The following DBNL variants were observed in gnomAD, a reference collection of about 807,000 sequenced individuals.
DBNL encodes drebrin like, also known as drebrin-like protein.
DBNL carries 35 observed loss-of-function variants against 62.2 expected under a neutral mutation model. That is an observed-to-expected ratio of 0.56 (90% CI 0.43 to 0.75). DBNL has a LOEUF of 0.75. Ranked by LOEUF, DBNL falls within the 30% of genes least tolerant of loss-of-function variation. DBNL has a pLI of 0.00. For synonymous variants in DBNL, 197 were observed against 218.0 expected, an observed-to-expected ratio of 0.90 and a Z score of 0.85; for missense variants, 495 against 578.4, an observed-to-expected ratio of 0.86 and a Z score of 1.48.
rs1418088472 is a variant in DBNL at position 44,068,621 on chromosome 7, C to T, written c.*7705C>T. On this transcript the variant is annotated 3_prime_UTR_variant, in exon 13 of 13. Coordinates refer to ENST00000448521, the MANE Select transcript of DBNL (RefSeq NM_001014436.3). ...GAGAAAAGAAGATGATCAATACATG[C>T]CCATCCTGAGATGATTCAACTATTG... 3 of 152,184 alleles carry T rather than the reference C, an allele frequency of 2.0e-5. No homozygotes were observed. The highest frequency in any genetic ancestry group is 7.2e-5 in the African/African-American group (3 of 41,434). The allele number at this position is 152,184 out of a possible 1,614,324, so 9.4% of individuals were successfully genotyped here.
At chr7:44,053,965 C>CGT (rs1229495087) in intron 4 of DBNL, among the ~76,000 whole-genome samples, 1 of 152,146 alleles carries the variant, frequency 6.6e-6, no homozygotes. Flanking sequence ...CGTGAACCAC[C>CGT]ACGCCCAGCC....
At chr7:44,048,986 T>C (rs2096121859) in intron 1 of DBNL, among the ~76,000 whole-genome samples, 2 of 151,974 alleles carry the variant, frequency 1.3e-5, no homozygotes, top group South Asian at 4.1e-4. Flanking sequence ...TCCCGAGTAG[T>C]TGGGACTACG....
Position 44,044,835 on chromosome 7 carries a change from G to A in DBNL, c.83+15G>A, listed in dbSNP as rs934163231. The A allele has an allele frequency of 2.1e-6, 3 of 1,457,744 alleles. No individual in the cohort carries two copies. The highest frequency in any genetic ancestry group is 3.0e-5 in the African/African-American group (2 of 67,040). The allele number at this position is 1,457,744 out of a possible 1,614,324, so 90.3% of individuals were successfully genotyped here. ...CCGACCGACTGGTGGGCGGCGAGACGGGCCAGGGTCGGGCCAGGGGCTGCC... is the reference window on the plus strand; with the variant it reads ...CCGACCGACTGGTGGGCGGCGAGACAGGCCAGGGTCGGGCCAGGGGCTGCC... On this transcript the variant is annotated intron_variant, in intron 1 of 12. Coordinates refer to ENST00000448521, the MANE Select transcript of DBNL (RefSeq NM_001014436.3).
At chr7:44,047,328 G>A (rs1173794829) in intron 1 of DBNL, among the ~76,000 whole-genome samples, 1 of 152,210 alleles carries the variant, frequency 6.6e-6, no homozygotes, top group African/African-American at 2.4e-5. Context: ...GATATCAGAG[G>A]AAGAAGAGGT....
chr7:44,063,272 TTTTC>T lies in DBNL; in HGVS notation c.*2360_*2363del. On this transcript the variant is annotated 3_prime_UTR_variant, in exon 13 of 13. Coordinates refer to ENST00000448521, the MANE Select transcript of DBNL (RefSeq NM_001014436.3). ...GGGACACTCACCCTTTGTTTTTTTT[TTTTC>T]TTTTCTTTTTCTTTTTCTTTTTTTT... 2.7e-5 allele frequency: 9 copies of T among 333,414 alleles called. No homozygotes were observed. Among genetic ancestry groups the T allele is most frequent in the Non-Finnish European group, 5.1e-5 (9 of 176,114 alleles). 20.7% of individuals were successfully genotyped at this position (333,414 alleles called of 1,614,324 possible). A position where few individuals can be genotyped will look rare whatever the true frequency, so the allele number is the denominator to read the frequency against.
In DBNL at chr7:44,060,780, A is replaced by G; in HGVS notation, c.1157A>G (p.Asp386Gly). ...ARALYDYQAA[D>G]DTEISFDPEN... ...TCTGGGCTCATCCTCTTTGCAGCCGACGACACAGAGATCTCCTTTGACCCC... is the reference window on the plus strand; with the variant it reads ...TCTGGGCTCATCCTCTTTGCAGCCGGCGACACAGAGATCTCCTTTGACCCC... The change falls in exon 13 of 13, where the codon GAC becomes GGC. Residue 386 changes from aspartate to glycine, a missense_variant. Asp to Gly is a moderately conservative substitution (Grantham distance 94, BLOSUM62 -1). Transcript: ENST00000448521. This position sits in a 1 kb window ranked among gnomAD's most constrained non-coding sequence, Gnocchi z 6.3. 1 of 1,613,606 alleles carries G rather than the reference A, an allele frequency of 6.2e-7. No individual in the cohort carries two copies. Among genetic ancestry groups the G allele is most frequent in the South Asian group, 1.1e-5 (1 of 91,064 alleles).
Position 44,060,990 on chromosome 7 carries a change from G to T in DBNL, c.*74G>T. 1 of 1,552,072 alleles carries T rather than the reference G, an allele frequency of 6.4e-7. No homozygotes were observed. Among genetic ancestry groups the T allele is most frequent in the South Asian group, 1.2e-5 (1 of 83,032 alleles). Reference sequence around the variant, plus strand: ...TGCTGGAAGAGGAGGCCTGGGAGTTGACATTCAGCACTCTTCCAGGAATAG... The same window carrying T: ...TGCTGGAAGAGGAGGCCTGGGAGTTTACATTCAGCACTCTTCCAGGAATAG... On this transcript the variant is annotated 3_prime_UTR_variant, in exon 13 of 13. Transcript: ENST00000448521. The surrounding 1 kb of genome is among the most constrained non-coding windows in gnomAD (Gnocchi z 6.3).
At position 44,065,130 on chromosome 7, in the gene DBNL, T is replaced by C. The variant is rs1430355287; in HGVS notation, c.*4214T>C. 1.9e-5 allele frequency: 31 copies of C among 1,613,814 alleles called. No individual in the cohort carries two copies. The highest frequency in any genetic ancestry group is 2.6e-5 in the Non-Finnish European group (31 of 1,180,010). ...AGGCAGCCCACCTTGCTAATGGAGT[T>C]GTAGTAGGGGTGCTTCTCGTCCATC... On this transcript the variant is annotated 3_prime_UTR_variant, in exon 13 of 13. Coordinates refer to ENST00000448521, the MANE Select transcript of DBNL (RefSeq NM_001014436.3).
rs368738529 is a variant in DBNL, at chr7:44,058,416, C to T, written c.705-16C>T. On this transcript the variant is annotated splice_polypyrimidine_tract_variant and intron_variant, in intron 7 of 12. Coordinates refer to ENST00000448521, the MANE Select transcript of DBNL (RefSeq NM_001014436.3). Reference sequence around the variant, plus strand: ...GACTGTGCCTCAGCTGTGCCCCACCCGGCCCTTCCCAGCAGGACGTGGGAG... The same window carrying T: ...GACTGTGCCTCAGCTGTGCCCCACCTGGCCCTTCCCAGCAGGACGTGGGAG... 1.1e-5 allele frequency: 17 copies of T among 1,614,034 alleles called. No individual in the cohort carries two copies. Among genetic ancestry groups the T allele is most frequent in the Middle Eastern group, 1.6e-4 (1 of 6,084 alleles).
intron 4 of DBNL, among the ~76,000 whole-genome samples, 192 bp from the exon 5 acceptor site, chr7:44,056,565 C>G (rs1481133919): frequency 6.6e-6 from 1 of 152,166 alleles, no homozygotes; most frequent in East Asian, 1.9e-4. Flanking sequence ...GAGGGGTTTG[C>G]TCCAAGTTGG....
In DBNL at chr7:44,062,941, A is replaced by T. The variant is rs1259708948; in HGVS notation, c.*2025A>T. 1.2e-6 allele frequency: 2 copies of T among 1,613,758 alleles called. No individual in the cohort carries two copies. The highest frequency in any genetic ancestry group is 1.7e-6 in the Non-Finnish European group (2 of 1,179,598). Reference sequence around the variant, plus strand: ...CCTGGTCTGACATCCCTATGCCGGAAGGAATAGGTGTCCTTAGCCCCTCTG... The same window carrying T: ...CCTGGTCTGACATCCCTATGCCGGATGGAATAGGTGTCCTTAGCCCCTCTG... On this transcript the variant is annotated 3_prime_UTR_variant, in exon 13 of 13. Transcript: ENST00000448521.
chr7:44,057,945 C>A, intron 6 of DBNL, 86 bp downstream of exon 6: 1 of 1,579,678 alleles, frequency 6.3e-7, no homozygotes. Context: ...GCTCATGCAG[C>A]ATCCACTCTC....
rs1034856313 is a variant in DBNL at position 44,044,972 on chromosome 7, C to T, written c.83+152C>T. On this transcript the variant is annotated intron_variant, in intron 1 of 12. Coordinates refer to ENST00000448521, the MANE Select transcript of DBNL (RefSeq NM_001014436.3). ...GGCTTACCTGTCTGCCCCTCCACACCGCAGCAGGAGTGCTGTCTCACCCTC... is the reference window on the plus strand; with the variant it reads ...GGCTTACCTGTCTGCCCCTCCACACTGCAGCAGGAGTGCTGTCTCACCCTC... 2.1e-5 allele frequency: 14 copies of T among 666,544 alleles called. No homozygotes were observed. The African/African-American group carries it at 2.5e-4, about 12-fold the overall frequency. 41.3% of individuals were successfully genotyped at this position (666,544 alleles called of 1,614,324 possible).
intron 8 of DBNL, 34 bp from the exon 9 acceptor site, chr7:44,058,868 C>T (rs368942534): frequency 1.2e-6 from 2 of 1,613,206 alleles, no homozygotes; most frequent in African/African-American, 2.7e-5. Flanking sequence ...GAAGGTTTTG[C>T]CCACTGCAGG....
Position 44,060,078 on chromosome 7 carries a change from A to T in DBNL, c.1078A>T (p.Ile360Phe), listed in dbSNP as rs570908875. The change falls in exon 12 of 13, where the codon ATT becomes TTT. Residue 360 changes from isoleucine to phenylalanine, a missense_variant. Coordinates refer to ENST00000448521, the MANE Select transcript of DBNL (RefSeq NM_001014436.3). This position sits in a 1 kb window ranked among gnomAD's most constrained non-coding sequence, Gnocchi z 6.3. ...GCAGCAAGGTGCTGGCTCTGAGCACATTGACCACCACATTCAGGGCCAGGG... is the reference window on the plus strand; with the variant it reads ...GCAGCAAGGTGCTGGCTCTGAGCACTTTGACCACCACATTCAGGGCCAGGG... ...VQQQGAGSEH[I>F]DHHIQGQGLS... The T allele has an allele frequency of 8.7e-6, 14 of 1,613,696 alleles. No homozygotes were observed. In the East Asian group the frequency reaches 3.1e-4, roughly 36 times the overall value.
rs1329346115 is a variant in DBNL at position 44,062,930 on chromosome 7, C to T, written c.*2014C>T. The T allele has an allele frequency of 1.2e-6, 2 of 1,614,196 alleles. No homozygotes were observed. Among genetic ancestry groups the T allele is most frequent in the East Asian group, 2.2e-5 (1 of 44,894 alleles). ...CTCCATGATCGCCTGGTCTGACATC[C>T]CTATGCCGGAAGGAATAGGTGTCCT... On this transcript the variant is annotated 3_prime_UTR_variant, in exon 13 of 13. Coordinates refer to ENST00000448521, the MANE Select transcript of DBNL (RefSeq NM_001014436.3).
intron 4 of DBNL, among the ~76,000 whole-genome samples, chr7:44,055,699 C>T (rs529328033): frequency 3.3e-5 from 5 of 152,226 alleles, no homozygotes; most frequent in South Asian, 2.1e-4. Context: ...GTTAGCCATG[C>T]GTATATCATC....
At chr7:44,046,877 C>T (rs917765378) in intron 1 of DBNL, among the ~76,000 whole-genome samples, 1 of 152,238 alleles carries the variant, frequency 6.6e-6, no homozygotes, top group Non-Finnish European at 1.5e-5. Context: ...ACCTACCACC[C>T]CTTTCATTTA....
rs1252224546 is a variant in DBNL at position 44,064,609 on chromosome 7, GCTT to G, written c.*3695_*3697del. 3.4e-6 allele frequency: 2 copies of G among 580,926 alleles called. No individual in the cohort carries two copies. The highest frequency in any genetic ancestry group is 6.2e-6 in the Non-Finnish European group (2 of 324,250). 36.0% of individuals were successfully genotyped at this position (580,926 alleles called of 1,614,324 possible). On this transcript the variant is annotated 3_prime_UTR_variant, in exon 13 of 13. Transcript: ENST00000448521. ...CCTGCCCCACCTCGGGACACAGCGA[GCTT>G]CGAGTGCAGTCAGCCCCTGTGGAGT... is the stretch of plus-strand genomic sequence containing the variant.
Sources: gnomAD v4.1 joint callset for allele counts (sites outside exome capture counted in the v4.1 genomes callset) on GRCh38, gnomAD v4.1.1 for gene constraint, Gnocchi (gnomAD v3.1) non-coding constraint, MANE v1.5 for transcripts, NCBI Gene and HGNC (gene_info 2026-07-23, HGNC 2026-07-21) for gene names.